Variants in GRAMD4 observed in about 807,000 individuals in gnomAD.
GRAMD4 encodes the protein GRAM domain containing 4.
Under a neutral mutation model 83.9 loss-of-function variants are expected in GRAMD4, and 25 were observed. The observed-to-expected ratio is 0.30, with a 90% CI of 0.22 to 0.42. GRAMD4 has a LOEUF of 0.42. Among genes scored for constraint, GRAMD4 ranks in the 10% least tolerant of loss-of-function variants. The pLI is 1.00. For missense variants in GRAMD4, 593 were observed against 788.7 expected (o/e 0.75, Z 2.97); for synonymous variants, 336 against 320.9 (o/e 1.05, Z -0.50).
chr22:46,624,157 C>T (rs550346229), intron 1 of GRAMD4, among the ~76,000 whole-genome samples: 2 of 151,468 alleles, frequency 1.3e-5, no homozygotes, highest in East Asian at 1.9e-4. Flanking sequence ...TGTTTTATAG[C>T]GTATTTTGAC....
chr22:46,591,414 G>T (rs1484839796), intron 1 of GRAMD4, among the ~76,000 whole-genome samples: 3 of 152,192 alleles, frequency 2.0e-5, no homozygotes, highest in Non-Finnish European at 4.4e-5. Flanking sequence ...TCCTTGGGAG[G>T]CTGAGGTGGG....
intron 8 of GRAMD4, among the ~76,000 whole-genome samples, 172 bp from the exon 9 acceptor site, chr22:46,665,443 C>T (rs2082393238): frequency 6.6e-6 from 1 of 152,194 alleles, no homozygotes; most frequent in African/African-American, 2.4e-5. Context: ...ACCGGGGAAG[C>T]AGCCCTTCCT....
At chr22:46,600,013 A>G (rs2081297479) in intron 1 of GRAMD4, among the ~76,000 whole-genome samples, 1 of 152,216 alleles carries the variant, frequency 6.6e-6, no homozygotes, top group African/African-American at 2.4e-5. Flanking sequence ...CCTTAAGGCC[A>G]CCAGGAAGCT....
chr22:46,603,234 G>C (rs1416362113), intron 1 of GRAMD4, among the ~76,000 whole-genome samples: 11 of 127,238 alleles, frequency 8.6e-5, no homozygotes, highest in Admixed American at 1.8e-4. Flanking sequence ...TTGAGACGGA[G>C]TCTCGCTGTG....
rs1303108943 is a variant in GRAMD4, at chr22:46,621,101, G to T, written c.-50+536G>T. On this transcript the variant is annotated intron_variant, in intron 1 of 18. Coordinates refer to ENST00000406902, the MANE Select transcript of GRAMD4 (RefSeq NM_015124.5). This position sits in a 1 kb window ranked among gnomAD's most constrained non-coding sequence, Gnocchi z 5.8. ...TGGAGGGGGTGGGGATGGGCAGCTA[G>T]AAGTGGGGAGGGCAGGGGCCGTCTG... Among the ~76,000 whole-genome samples the T allele has an allele frequency of 6.6e-6, 1 of 151,762 alleles. No individual in the cohort carries two copies. Among genetic ancestry groups the T allele is most frequent in the African/African-American group, 2.4e-5 (1 of 41,330 alleles).
At chr22:46,616,431 TAGG>T (rs2081495777), upstream of GRAMD4, among the ~76,000 whole-genome samples, 1 of 122,866 alleles carries the variant, frequency 8.1e-6, no homozygotes. Flanking sequence ...CCCCCGTGAG[TAGG>T]TTCCCCTGTG....
At chr22:46,644,464 A>T (rs2147258437) in intron 3 of GRAMD4, among the ~76,000 whole-genome samples, 1 of 150,726 alleles carries the variant, frequency 6.6e-6, no homozygotes, top group South Asian at 2.1e-4. Flanking sequence ...TCCATGTTAC[A>T]CCTGTCCCCG....
At chr22:46,664,204 GAGGTGGCCCCC>G in intron 8 of GRAMD4, 87 bp downstream of exon 8, 1 of 953,100 alleles carries the variant, frequency 1.0e-6, no homozygotes, top group East Asian at 2.4e-5. Flanking sequence ...CCCAGGGTGG[GAGGTGGCCCCC>G]AGGTGGCACT....
chr22:46,602,335 G>A (rs62233569), intron 1 of GRAMD4, among the ~76,000 whole-genome samples: 1,709 of 152,306 alleles, frequency 0.011, 18 homozygotes, highest in Middle Eastern at 0.017. Flanking sequence ...CCCACATGCT[G>A]TGCCTCTTTG....
chr22:46,617,465 C>T (rs118098931), upstream of GRAMD4, among the ~76,000 whole-genome samples: 50 of 151,276 alleles, frequency 3.3e-4, no homozygotes, highest in East Asian at 5.5e-3. Flanking sequence ...GTAGGTTCCC[C>T]TGTGTGTAGG....
chr22:46,589,623 A>G (rs1407721155), intron 1 of GRAMD4, among the ~76,000 whole-genome samples: 1 of 152,016 alleles, frequency 6.6e-6, no homozygotes, highest in African/African-American at 2.4e-5. Flanking sequence ...CGGGTGTCTG[A>G]GAGTTCCCAG....
chr22:46,622,912 TAAAA>T lies in GRAMD4; in HGVS notation c.-50+2363_-50+2366del, dbSNP rs1244826706. Among the ~76,000 whole-genome samples, 2 of 110,290 alleles carry T rather than the reference TAAAA, an allele frequency of 1.8e-5. No homozygotes were observed. Among genetic ancestry groups the T allele is most frequent in the Non-Finnish European group, 3.7e-5 (2 of 54,598 alleles). 72.4% of individuals were successfully genotyped at this position (110,290 alleles called of 152,430 possible). On this transcript the variant is annotated intron_variant, in intron 1 of 18. Transcript: ENST00000406902. This position sits in a 1 kb window ranked among gnomAD's most constrained non-coding sequence, Gnocchi z 4.0. ...GGGCGACAGAGCAAGACTCCATCTC[TAAAA>T]AAAAAAAAAAAAAAACTGATGAAAT...
At chr22:46,625,350 G>A (rs549984354) in intron 1 of GRAMD4, among the ~76,000 whole-genome samples, 2 of 152,328 alleles carry the variant, frequency 1.3e-5, no homozygotes, top group East Asian at 1.9e-4. Context: ...TGAGGAGAGC[G>A]GAGGAGGCTT....
At chr22:46,627,940 G>T (rs1018131871) in intron 2 of GRAMD4, among the ~76,000 whole-genome samples, 1 of 152,238 alleles carries the variant, frequency 6.6e-6, no homozygotes, top group Admixed American at 6.5e-5. Flanking sequence ...AAAGGTTGTG[G>T]TTGGTCCTGG....
exon 1 of GRAMD4, chr22:46,577,241 G>C (rs1211126590): frequency 1.0e-6 from 1 of 975,226 alleles, no homozygotes; most frequent in Admixed American, 6.4e-5. Flanking sequence ...CGGCCGGCGA[G>C]GGGGGCGCCG....
chr22:46,668,932 G>T, intron 13 of GRAMD4, 24 bp downstream of exon 13: 2 of 1,350,866 alleles, frequency 1.5e-6, no homozygotes, highest in South Asian at 1.2e-5. Flanking sequence ...CCTGCGGCCT[G>T]TAGCTTCAGG....
intron 1 of GRAMD4, among the ~76,000 whole-genome samples, chr22:46,577,805 C>T (rs980111760): frequency 6.6e-6 from 1 of 152,200 alleles, no homozygotes; most frequent in Admixed American, 6.5e-5. Context: ...GTCTTCTCTC[C>T]CTTTGTTCGG....
chr22:46,583,618 C>T (rs1436118041), intron 1 of GRAMD4, among the ~76,000 whole-genome samples: 1 of 152,212 alleles, frequency 6.6e-6, no homozygotes, highest in Non-Finnish European at 1.5e-5. Context: ...TCTGTTTGAA[C>T]AATTGGAATT....
chr22:46,671,627 G>A (rs1404863489), intron 13 of GRAMD4, among the ~76,000 whole-genome samples: 1 of 151,882 alleles, frequency 6.6e-6, no homozygotes, highest in Non-Finnish European at 1.5e-5. Flanking sequence ...CTGCACTCCT[G>A]CCTGGGCGAC....
Sources: allele counts gnomAD v4.1 joint callset (sites outside exome capture counted in the v4.1 genomes callset), GRCh38; gene constraint gnomAD v4.1.1; non-coding constraint Gnocchi (gnomAD v3.1); transcripts MANE v1.5; gene names NCBI Gene and HGNC (gene_info 2026-07-23, HGNC 2026-07-21).